The following DCC variants were observed in gnomAD, a reference collection of about 807,000 sequenced individuals.
DCC encodes the protein DCC netrin 1 receptor, also known as netrin receptor DCC.
DCC carries 58 observed loss-of-function variants against 172.5 expected under a neutral mutation model. The ratio of observed to expected loss-of-function variants is 0.34; its 90% CI spans 0.27 to 0.42. The LOEUF (loss-of-function observed/expected upper bound fraction) is 0.42. Among genes scored for constraint, DCC ranks in the 10% least tolerant of loss-of-function variants. The pLI is 1.00. For missense variants in DCC, 1,740 were observed against 1,791.0 expected (o/e 0.97, Z 0.51); for synonymous variants, 709 against 644.5 (o/e 1.10, Z -1.52).
chr18:52,388,200 A>G (rs1298568086), intron 1 of DCC, among the ~76,000 whole-genome samples: 1 of 147,718 alleles, frequency 6.8e-6, no homozygotes, highest in Non-Finnish European at 1.5e-5. Context: ...CAACTTCTCT[A>G]TTTTTTTTTT....
intron 5 of DCC, among the ~76,000 whole-genome samples, chr18:52,926,957 A>T (rs2040216061): frequency 9.0e-6 from 1 of 111,228 alleles, no homozygotes; most frequent in Non-Finnish European, 2.1e-5. Context: ...TATATACACT[A>T]TATATGGATA....
intron 3 of DCC, among the ~76,000 whole-genome samples, chr18:52,915,452 C>T (rs929869210): frequency 6.6e-6 from 1 of 152,132 alleles, no homozygotes; most frequent in Non-Finnish European, 1.5e-5. Context: ...CAGTATGTCA[C>T]ACACACTCAA....
chr18:53,230,885 A>G (rs2144614975), intron 12 of DCC, among the ~76,000 whole-genome samples: 1 of 152,138 alleles, frequency 6.6e-6, no homozygotes, highest in East Asian at 1.9e-4. Context: ...ATGTATGTGA[A>G]GGAAGGATGT....
intron 5 of DCC, among the ~76,000 whole-genome samples, chr18:53,062,564 G>A (rs2042510858): frequency 6.6e-6 from 1 of 152,052 alleles, no homozygotes; most frequent in Non-Finnish European, 1.5e-5. Flanking sequence ...TTTCTCCTAG[G>A]CAAGGTTTTG....
intron 12 of DCC, among the ~76,000 whole-genome samples, chr18:53,249,938 A>T (rs1044594130): frequency 6.6e-6 from 1 of 151,938 alleles, no homozygotes; most frequent in African/African-American, 2.4e-5. Context: ...ATCAAGTTGG[A>T]TTTTTAATCA....
intron 1 of DCC, among the ~76,000 whole-genome samples, chr18:52,348,322 T>C (rs1983968061): frequency 6.6e-6 from 1 of 152,168 alleles, no homozygotes; most frequent in Admixed American, 6.5e-5. Context: ...TGCCACCATG[T>C]TTAGGGTGCA....
chr18:52,532,500 C>T (rs973176450), intron 1 of DCC, among the ~76,000 whole-genome samples: 6 of 152,132 alleles, frequency 3.9e-5, no homozygotes, highest in South Asian at 2.1e-4. Context: ...TCTTTCTCCA[C>T]AAGGCAAATG....
intron 20 of DCC, among the ~76,000 whole-genome samples, chr18:53,411,462 C>T (rs1909985289): frequency 6.6e-6 from 1 of 151,902 alleles, no homozygotes; most frequent in Non-Finnish European, 1.5e-5. Context: ...AATCTGTGAC[C>T]ACATCATACC....
At chr18:53,209,403 A>G (rs551698445) in intron 11 of DCC, among the ~76,000 whole-genome samples, 1 of 152,348 alleles carries the variant, frequency 6.6e-6, no homozygotes, top group East Asian at 1.9e-4. Context: ...CTTTTCAGCA[A>G]CAATTTCCAT....
At chr18:52,658,031 C>G (rs1288736068) in intron 1 of DCC, among the ~76,000 whole-genome samples, 2 of 152,168 alleles carry the variant, frequency 1.3e-5, no homozygotes, top group Non-Finnish European at 2.9e-5. Context: ...AGAGCCAGAC[C>G]TAGATATTCC....
At chr18:53,416,066 C>CT in intron 20 of DCC, 58 bp from the exon 21 acceptor site, 1 of 1,300,638 alleles carries the variant, frequency 7.7e-7, no homozygotes, top group South Asian at 1.2e-5. Flanking sequence ...TTTGATATGT[C>CT]AGCTTTCTTG....
At chr18:52,819,173 A>G (rs1306301112) in intron 2 of DCC, among the ~76,000 whole-genome samples, 1 of 152,008 alleles carries the variant, frequency 6.6e-6, no homozygotes, top group East Asian at 1.9e-4. Flanking sequence ...TATGAGCTAT[A>G]GTATCAAAAT....
chr18:52,497,297 A>ATATGTG (rs2030818926), intron 1 of DCC, among the ~76,000 whole-genome samples: 2 of 93,160 alleles, frequency 2.1e-5, no homozygotes, highest in Non-Finnish European at 4.6e-5. Context: ...ATATATATAT[A>ATATGTG]TATATATATA....
intron 26 of DCC, among the ~76,000 whole-genome samples, chr18:53,490,235 G>A (rs1210032413): frequency 6.6e-6 from 1 of 152,112 alleles, no homozygotes; most frequent in African/African-American, 2.4e-5. Context: ...AAAAATACAG[G>A]CTGTAAGAAA....
intron 1 of DCC, among the ~76,000 whole-genome samples, chr18:52,452,656 T>C (rs1272489545): frequency 6.6e-6 from 1 of 152,236 alleles, no homozygotes; most frequent in Non-Finnish European, 1.5e-5. Flanking sequence ...CAGTGATTCA[T>C]GTCACAACAT....
chr18:53,345,409 T>C (rs1238942591), intron 15 of DCC, among the ~76,000 whole-genome samples: 2 of 152,274 alleles, frequency 1.3e-5, no homozygotes, highest in African/African-American at 4.8e-5. Flanking sequence ...ACTATTCCTT[T>C]TGTTGTAATT....
chr18:52,443,574 C>G (rs907465459), intron 1 of DCC, among the ~76,000 whole-genome samples: 2 of 151,990 alleles, frequency 1.3e-5, no homozygotes, highest in African/African-American at 4.8e-5. Context: ...ACATTCTAGG[C>G]AGAAAGAACA....
intron 7 of DCC, among the ~76,000 whole-genome samples, chr18:53,071,336 G>A (rs1276313901): frequency 6.6e-6 from 1 of 152,144 alleles, no homozygotes. Flanking sequence ...TATTTGAAAT[G>A]TATGCATTTT....
intron 5 of DCC, among the ~76,000 whole-genome samples, chr18:52,931,141 A>G (rs1023763139): frequency 6.6e-6 from 1 of 152,016 alleles, no homozygotes; most frequent in Non-Finnish European, 1.5e-5. Flanking sequence ...TGCTGTTTTA[A>G]TTATTCTAAA....
Sources: gnomAD v4.1 joint callset for allele counts (sites outside exome capture counted in the v4.1 genomes callset) on GRCh38, gnomAD v4.1.1 for gene constraint, MANE v1.5 for transcripts, NCBI Gene and HGNC (gene_info 2026-07-23, HGNC 2026-07-21) for gene names.